Variants in BANK1 observed in about 807,000 individuals in gnomAD.
BANK1 encodes the protein B-cell scaffold protein with ankyrin repeats.
BANK1 carries 95 observed loss-of-function variants against 94.5 expected under a neutral mutation model. That is an observed-to-expected ratio of 1.00 (90% CI 0.85 to 1.19). The LOEUF (loss-of-function observed/expected upper bound fraction) is 1.19. Ranked by LOEUF, BANK1 falls within the 50% of genes most tolerant of loss-of-function variation. BANK1 has a pLI of 0.00. For missense variants in BANK1, 987 were observed against 932.2 expected (o/e 1.06, Z -0.77); for synonymous variants, 334 against 308.4 (o/e 1.08, Z -0.87).
chr4:101,829,376 T>C (rs917594355), intron 1 of BANK1, among the ~76,000 whole-genome samples: 2 of 152,100 alleles, frequency 1.3e-5, no homozygotes, highest in Non-Finnish European at 2.9e-5. Context: ...CAACTAAATA[T>C]ATCGTATTTT....
At chr4:101,929,783 T>G (rs756600780) in intron 7 of BANK1, among the ~76,000 whole-genome samples, 1 of 151,326 alleles carries the variant, frequency 6.6e-6, no homozygotes, top group Non-Finnish European at 1.5e-5. Context: ...TAATAGTTTG[T>G]TGGGGGGGGA....
intron 7 of BANK1, among the ~76,000 whole-genome samples, chr4:101,947,277 A>T (rs929730014): frequency 8.2e-6 from 1 of 122,358 alleles, no homozygotes; most frequent in Non-Finnish European, 1.6e-5. Context: ...TGTTTGAAGA[A>T]GTTGTAAATA....
intron 7 of BANK1, among the ~76,000 whole-genome samples, chr4:101,977,946 G>A (rs1302465241): frequency 8.6e-5 from 5 of 58,216 alleles, no homozygotes; most frequent in African/African-American, 3.1e-4. Flanking sequence ...AAATTTAGGG[G>A]TTTTGTTTGT....
intron 1 of BANK1, among the ~76,000 whole-genome samples, chr4:101,792,255 T>TCCCCCCCCCCCCC (rs771698917): frequency 1.2e-4 from 16 of 128,658 alleles, no homozygotes; most frequent in East Asian, 2.3e-4. Context: ...TGCATTCCGC[T>TCCCCCCCCCCCCC]CCCCCCCCGC....
At chr4:101,944,245 A>T (rs753437109) in intron 7 of BANK1, among the ~76,000 whole-genome samples, 4 of 151,882 alleles carry the variant, frequency 2.6e-5, no homozygotes, top group Non-Finnish European at 5.9e-5. Context: ...GTAACCAGGA[A>T]ACTCACCATT....
chr4:101,834,277 A>G (rs779766119), intron 2 of BANK1, among the ~76,000 whole-genome samples: 17 of 152,222 alleles, frequency 1.1e-4, no homozygotes, highest in Non-Finnish European at 2.1e-4. Flanking sequence ...TTTTGGAGAC[A>G]CTATTATCTC....
At chr4:101,849,591 G>A (rs1727394917) in intron 2 of BANK1, among the ~76,000 whole-genome samples, 1 of 151,774 alleles carries the variant, frequency 6.6e-6, no homozygotes, top group Non-Finnish European at 1.5e-5. Context: ...TGGAAATATA[G>A]GTAATTTGTA....
At chr4:101,857,512 T>C (rs557311701) in intron 3 of BANK1, among the ~76,000 whole-genome samples, 8 of 152,280 alleles carry the variant, frequency 5.3e-5, no homozygotes, top group African/African-American at 1.9e-4. Context: ...CTCTGCAGCA[T>C]TAACTTTAGT....
intron 7 of BANK1, among the ~76,000 whole-genome samples, chr4:101,982,445 T>G (rs1420922586): frequency 6.6e-6 from 1 of 151,996 alleles, no homozygotes; most frequent in Non-Finnish European, 1.5e-5. Flanking sequence ...CTTTTTCTAT[T>G]TATTGTGCTA....
At chr4:101,852,487 T>TATAC (rs1727520784) in intron 2 of BANK1, among the ~76,000 whole-genome samples, 2 of 109,934 alleles carry the variant, frequency 1.8e-5, no homozygotes, top group South Asian at 5.3e-4. Context: ...TATATATATA[T>TATAC]ATATATATAT....
Position 101,807,055 on chromosome 4 carries a change from C to T in BANK1, c.70+16105C>T, listed in dbSNP as rs542045689. Among the ~76,000 whole-genome samples the T allele has an allele frequency of 1.1e-4, 17 of 152,234 alleles. 1 individual carries two copies. The South Asian group carries it at 3.3e-3, about 30-fold the overall frequency. On this transcript the variant is annotated intron_variant, in intron 1 of 16. Coordinates refer to ENST00000322953, the MANE Select transcript of BANK1 (RefSeq NM_017935.5). Reference sequence around the variant, plus strand: ...AGCTAAGAGTGTTTTCTTTAGCAACCGGGGGTGACTACTGATGCATAACTG... The same window carrying T: ...AGCTAAGAGTGTTTTCTTTAGCAACTGGGGGTGACTACTGATGCATAACTG...
intron 8 of BANK1, among the ~76,000 whole-genome samples, chr4:102,022,159 A>T (rs1726934577): frequency 6.6e-6 from 1 of 152,064 alleles, no homozygotes; most frequent in African/African-American, 2.4e-5. Context: ...CCATTATGCC[A>T]GGCTTTATTG....
chr4:102,018,864 G>T (rs1726802859), intron 7 of BANK1, among the ~76,000 whole-genome samples: 1 of 149,924 alleles, frequency 6.7e-6, no homozygotes, highest in Non-Finnish European at 1.5e-5. Context: ...TGTCGGCCAG[G>T]CTGGAGTGCA....
intron 15 of BANK1, among the ~76,000 whole-genome samples, chr4:102,072,817 A>G (rs991754672): frequency 2.6e-5 from 4 of 152,228 alleles, no homozygotes; most frequent in Admixed American, 2.0e-4. Flanking sequence ...ACTTCACATC[A>G]TAGAGTTAAC....
At chr4:101,852,694 TTA>T (rs1446703322) in intron 2 of BANK1, among the ~76,000 whole-genome samples, 1 of 151,716 alleles carries the variant, frequency 6.6e-6, no homozygotes, top group Admixed American at 6.6e-5. Flanking sequence ...GATAGAATTA[TTA>T]GTTTTATCAA....
chr4:101,875,023 T>C (rs1338436870), intron 5 of BANK1, among the ~76,000 whole-genome samples: 1 of 152,116 alleles, frequency 6.6e-6, no homozygotes, highest in African/African-American at 2.4e-5. Flanking sequence ...CTACCAATTG[T>C]CCCCCTGCAA....
chr4:101,957,413 C>T (rs1724384489), intron 7 of BANK1, among the ~76,000 whole-genome samples: 1 of 152,142 alleles, frequency 6.6e-6, no homozygotes, highest in South Asian at 2.1e-4. Flanking sequence ...TTATTTGGGG[C>T]CTACCAGACA....
At chr4:101,879,570 G>A (rs1024862819) in intron 5 of BANK1, among the ~76,000 whole-genome samples, 7 of 151,892 alleles carry the variant, frequency 4.6e-5, no homozygotes, top group African/African-American at 1.7e-4. Context: ...AATAGAGGGG[G>A]AAGGAACACT....
intron 5 of BANK1, among the ~76,000 whole-genome samples, chr4:101,894,593 C>G (rs1001709600): frequency 6.6e-6 from 1 of 151,976 alleles, no homozygotes; most frequent in Non-Finnish European, 1.5e-5. Flanking sequence ...CATCCCATGA[C>G]TTTGTTGATT....
Sources: gnomAD v4.1 joint callset for allele counts (sites outside exome capture counted in the v4.1 genomes callset) on GRCh38, gnomAD v4.1.1 for gene constraint, MANE v1.5 for transcripts, NCBI Gene and HGNC (gene_info 2026-07-23, HGNC 2026-07-21) for gene names.